FNBP1: variants seen among roughly 807,000 people sequenced by gnomAD.
The protein encoded by FNBP1 is formin-binding protein 1.
A neutral mutation model predicts 90.6 loss-of-function variants in FNBP1; 26 were observed. The observed-to-expected ratio is 0.29, with a 90% confidence interval of 0.21 to 0.40. The LOEUF (loss-of-function observed/expected upper bound fraction) is 0.40. Among genes scored for constraint, FNBP1 ranks in the 10% least tolerant of loss-of-function variants. The pLI is 1.00. For synonymous variants in FNBP1, 260 were observed against 265.2 expected, an observed-to-expected ratio of 0.98 and a Z score of 0.19; for missense variants, 635 against 768.0, an observed-to-expected ratio of 0.83 and a Z score of 2.05.
chr9:129,959,060 C>T (rs1425675799), intron 4 of FNBP1, among the ~76,000 whole-genome samples: 1 of 128,098 alleles, frequency 7.8e-6, no homozygotes, highest in African/African-American at 2.9e-5. Context: ...ATAGTCATCA[C>T]AGATGAAACA....
At chr9:130,033,709 C>T (rs536842) in intron 1 of FNBP1, among the ~76,000 whole-genome samples, 13,945 of 151,200 alleles carry the variant, frequency 0.092, 816 homozygotes, top group Admixed American at 0.15. Context: ...TTAGCCAGGC[C>T]GGGCTGGGCA....
rs1271779266 is a variant in FNBP1, at chr9:130,001,607, T to C, written c.25-6649A>G. On this transcript the variant is annotated intron_variant, in intron 1 of 16. Transcript: ENST00000446176. The stretch of plus-strand genomic sequence containing the variant: ...GCTAAAATTTCTATTTCAGGTTGGG[T>C]GTGGTGGCTCAGGCCTGTAATCCCA... 2.6e-5 allele frequency among the ~76,000 whole-genome samples: 4 copies of C among 152,078 alleles called. No homozygotes were observed. The South Asian group carries it at 6.2e-4, about 24-fold the overall frequency.
chr9:129,951,053 C>A (rs938864419), intron 6 of FNBP1, among the ~76,000 whole-genome samples: 2 of 150,992 alleles, frequency 1.3e-5, no homozygotes, highest in Non-Finnish European at 2.9e-5. Flanking sequence ...CTCACTGCAA[C>A]CTCCACCTCC....
intron 4 of FNBP1, among the ~76,000 whole-genome samples, chr9:129,968,577 A>G (rs986057042): frequency 1.3e-5 from 2 of 152,164 alleles, no homozygotes; most frequent in Admixed American, 6.5e-5. Flanking sequence ...ACTGGCTTAT[A>G]GGAAATTAAG....
At chr9:129,931,321 T>C (rs1021620465) in intron 6 of FNBP1, among the ~76,000 whole-genome samples, 1 of 151,762 alleles carries the variant, frequency 6.6e-6, no homozygotes, top group African/African-American at 2.4e-5. Flanking sequence ...ACAAATAAAT[T>C]GGCTGGGCGC....
chr9:130,013,941 T>C (rs2056930457), intron 1 of FNBP1: 2 of 452,510 alleles, frequency 4.4e-6, no homozygotes, highest in Non-Finnish European at 8.9e-6. Flanking sequence ...TCTAGATTCA[T>C]GAGCCAAATA....
intron 1 of FNBP1, among the ~76,000 whole-genome samples, chr9:130,026,366 C>T (rs912087652): frequency 1.4e-4 from 21 of 151,658 alleles, no homozygotes; most frequent in African/African-American, 4.8e-4. Context: ...GGGTGGCATG[C>T]GCCTATAGTC....
chr9:129,905,972 C>T (rs1185108676), intron 12 of FNBP1, among the ~76,000 whole-genome samples: 2 of 151,776 alleles, frequency 1.3e-5, no homozygotes, highest in Non-Finnish European at 2.9e-5. Flanking sequence ...CAACCTCTGC[C>T]TCCTGGGTTC....
intron 16 of FNBP1, among the ~76,000 whole-genome samples, chr9:129,894,499 AAAC>A (rs772118334): frequency 5.9e-5 from 9 of 152,172 alleles, no homozygotes; most frequent in African/African-American, 9.7e-5. Context: ...AACAAAACAA[AAAC>A]AACAACAACA....
intron 6 of FNBP1, among the ~76,000 whole-genome samples, chr9:129,933,790 AATACTGTG>A (rs1480601695): frequency 1.3e-5 from 2 of 152,076 alleles, no homozygotes; most frequent in Non-Finnish European, 2.9e-5. Context: ...AAAACAGCAA[AATACTGTG>A]ATACATCAGA....
chr9:129,978,637 CTG>C, intron 3 of FNBP1, 25 bp from the exon 4 acceptor site: 3 of 1,605,234 alleles, frequency 1.9e-6, no homozygotes, highest in Non-Finnish European at 2.6e-6. Context: ...ACACGCCACT[CTG>C]TTTCACACAA....
chr9:129,900,462 G>A lies in FNBP1; in HGVS notation c.1514C>T (p.Pro505Leu). 1 of 1,605,398 alleles carries A rather than the reference G, an allele frequency of 6.2e-7. No individual in the cohort carries two copies. The highest frequency in any genetic ancestry group is 8.5e-7 in the Non-Finnish European group (1 of 1,176,294). ...CTGGGCGCAGTTGTTGACTGTGGGT[G>A]GGTTCTGGCTGTCGTACAGTCCGCT... ...RQSGLYDSQN[P>L]PTVNNCAQDR... Residue 505 changes from proline to leucine, a missense_variant, in exon 14 of 17, where the codon CCA (proline) becomes CTA (leucine). Transcript: ENST00000446176. This position sits in a 1 kb window ranked among gnomAD's most constrained non-coding sequence, Gnocchi z 4.1.
the FNBP1 span, among the ~76,000 whole-genome samples, chr9:130,051,548 G>A: frequency 6.6e-6 from 1 of 152,166 alleles, no homozygotes; most frequent in African/African-American, 2.4e-5. Flanking sequence ...AGGCAGGGTG[G>A]CTTACGCCTG....
chr9:130,047,011 G>C (rs2109624), upstream of FNBP1, among the ~76,000 whole-genome samples: 134,361 of 151,980 alleles, frequency 0.88, 60,344 homozygotes, highest in East Asian at 0.97. Context: ...TAAAACTTAA[G>C]ATTGACACCT....
At chr9:130,009,647 C>T (rs1311723396) in intron 1 of FNBP1, among the ~76,000 whole-genome samples, 2 of 152,066 alleles carry the variant, frequency 1.3e-5, no homozygotes, top group Admixed American at 6.6e-5. Context: ...ACTAAAAATA[C>T]AAAAATTAGC....
Position 130,042,825 on chromosome 9 carries a change from G to C in FNBP1, c.24+127C>G. The C allele has an allele frequency of 1.8e-6, 1 of 553,308 alleles. No individual in the cohort carries two copies. The allele number at this position is 553,308 out of a possible 1,614,324, so 34.3% of individuals were successfully genotyped here. ...GCATTGGAACCCCGCCTCCTCCCCA[G>C]GCCGCGAGGACCCCGACCAGCGCGC... On this transcript the variant is annotated intron_variant, in intron 1 of 16. Coordinates refer to ENST00000446176, the MANE Select transcript of FNBP1 (RefSeq NM_015033.3). The surrounding 1 kb of genome is among the most constrained non-coding windows in gnomAD (Gnocchi z 5.5).
chr9:130,005,640 CAAAT>C (rs1276241773), intron 1 of FNBP1, among the ~76,000 whole-genome samples: 1 of 151,998 alleles, frequency 6.6e-6, no homozygotes, highest in Non-Finnish European at 1.5e-5. Flanking sequence ...TGTGCCCTGC[CAAAT>C]TGAGAATATT....
At chr9:129,924,144 T>C in intron 9 of FNBP1, 118 bp from the exon 10 acceptor site, 1 of 1,039,736 alleles carries the variant, frequency 9.6e-7, no homozygotes, top group Middle Eastern at 3.0e-4. Flanking sequence ...AACAATTAAA[T>C]TTTAGGCCAT....
At chr9:129,979,834 G>A (rs906010803) in intron 2 of FNBP1, among the ~76,000 whole-genome samples, 2 of 151,536 alleles carry the variant, frequency 1.3e-5, no homozygotes, top group Non-Finnish European at 2.9e-5. Flanking sequence ...GTAGAGATGG[G>A]GTGTCATCAT....
Sources: allele counts gnomAD v4.1 joint callset (sites outside exome capture counted in the v4.1 genomes callset), GRCh38; gene constraint gnomAD v4.1.1; non-coding constraint Gnocchi (gnomAD v3.1); transcripts MANE v1.5; gene names NCBI Gene and HGNC (gene_info 2026-07-23, HGNC 2026-07-21).